The following MTMR7 variants were observed in gnomAD, a reference collection of about 807,000 sequenced individuals.
MTMR7 encodes phosphatidylinositol-3-phosphate phosphatase MTMR7.
MTMR7 carries 76 observed loss-of-function variants against 81.2 expected under a neutral mutation model. The observed-to-expected ratio is 0.94, with a 90% CI of 0.78 to 1.13. MTMR7 has a LOEUF of 1.13. Ranked by LOEUF, MTMR7 falls within the 50% of genes most tolerant of loss-of-function variation. MTMR7 has a pLI of 0.00. For synonymous variants in MTMR7, 372 were observed against 289.8 expected (o/e 1.28, Z -2.88); for missense variants, 1,044 against 820.0 (o/e 1.27, Z -3.34).
Position 17,302,102 on chromosome 8 carries a change from C to T in MTMR7, c.1620+52G>A, listed in dbSNP as rs755821802. ...CTTAAGAGGCTTTCATGAAGCCTTG[C>T]TCTTCAAGAAATAAGCACAGAAAAT... On this transcript the variant is annotated intron_variant, in intron 13 of 13. Coordinates refer to ENST00000180173, the MANE Select transcript of MTMR7 (RefSeq NM_004686.5). The T allele has an allele frequency of 2.5e-6, 4 of 1,608,544 alleles. No individual in the cohort carries two copies. In the African/African-American group the frequency reaches 4.0e-5, roughly 16 times the overall value.
At chr8:17,318,952 C>T (rs71526115) in intron 7 of MTMR7, among the ~76,000 whole-genome samples, 3,353 of 152,344 alleles carry the variant, frequency 0.022, 52 homozygotes, top group Non-Finnish European at 0.038. Context: ...TGCTCATTGT[C>T]CTGCTTCCCT....
In MTMR7 at chr8:17,304,442, G is replaced by C. The variant is rs369293993; in HGVS notation, c.1430C>G (p.Ala477Gly). The C allele has an allele frequency of 2.5e-6, 4 of 1,613,982 alleles. No individual in the cohort carries two copies. The African/African-American group carries it at 5.3e-5, about 22-fold the overall frequency. Residue 477 changes from alanine (A) to glycine (G), a missense_variant, in exon 12 of 14, where the codon GCT (alanine) becomes GGT (glycine). Ala to Gly is a moderately conservative substitution (Grantham distance 60). Coordinates refer to ENST00000180173, the MANE Select transcript of MTMR7 (RefSeq NM_004686.5). The part of the protein sequence containing the change: ...RADYLNPLFR[A>G]DHSQTQGTLH... ...GGTTCCCTGAGTCTGGCTGTGATCA[G>C]CTCTAAACAGAGGATTCAGGTAGTC...
chr8:17,370,165 T>C (rs1820371888), intron 3 of MTMR7, among the ~76,000 whole-genome samples: 1 of 151,232 alleles, frequency 6.6e-6, no homozygotes, highest in Non-Finnish European at 1.5e-5. Flanking sequence ...AGCAGATCCA[T>C]ACCCTGAATA....
chr8:17,311,370 TC>T, intron 9 of MTMR7, 140 bp downstream of exon 9: 1 of 1,086,252 alleles, frequency 9.2e-7, no homozygotes, highest in South Asian at 1.5e-5. Context: ...TTAATCTTGA[TC>T]TCTTCCCCTT....
chr8:17,371,087 T>C lies in MTMR7; in HGVS notation c.260A>G (p.Glu87Gly), dbSNP rs1434198090. The change falls in exon 3 of 14, where the codon GAA becomes GGA. Residue 87 changes from glutamate to glycine, a missense_variant. Glu to Gly is a moderately conservative substitution (Grantham distance 98). Coordinates refer to ENST00000180173, the MANE Select transcript of MTMR7 (RefSeq NM_004686.5). ...FQIIQLIIPQ[E>G]RDCHDVYISL... ...GATGTACACGTCGTGGCAATCTCTT[T>C]CCTGAGGTATGATGAGCTGTATTAT... 9 of 1,614,080 alleles carry C rather than the reference T, an allele frequency of 5.6e-6. No individual in the cohort carries two copies. Among genetic ancestry groups the C allele is most frequent in the Admixed American group, 1.7e-5 (1 of 60,000 alleles).
chr8:17,357,550 C>G (rs955721394), intron 4 of MTMR7, among the ~76,000 whole-genome samples: 1 of 133,762 alleles, frequency 7.5e-6, no homozygotes, highest in Non-Finnish European at 1.5e-5. Context: ...ACATAAAACA[C>G]CTTTTTTTCC....
chr8:17,380,461 C>T (rs1317677494), intron 1 of MTMR7, among the ~76,000 whole-genome samples: 1 of 151,974 alleles, frequency 6.6e-6, no homozygotes, highest in East Asian at 1.9e-4. Flanking sequence ...TGGCGTGGCC[C>T]GGCCAGCATG....
In MTMR7 at chr8:17,331,272, A is replaced by G. The variant is rs1369199996; in HGVS notation, c.743T>C (p.Met248Thr). The G allele has an allele frequency of 1.9e-6, 3 of 1,606,746 alleles. No homozygotes were observed. Among genetic ancestry groups the G allele is most frequent in the Non-Finnish European group, 2.5e-6 (3 of 1,177,814 alleles). ...GCCTTTCCCTGCAGCACGATTTGCC[A>G]TTGCATTAAGCTGCAGTGGTCAGCA... ...VVDTRPKLNA[M>T]ANRAAGKGYE... The change falls in exon 7 of 14, where the codon ATG (methionine) becomes ACG (threonine). Residue 248 changes from methionine to threonine, a missense_variant. Met to Thr is a moderately conservative substitution (Grantham distance 81). Transcript: ENST00000180173.
intron 4 of MTMR7, among the ~76,000 whole-genome samples, chr8:17,354,954 T>G (rs1819842514): frequency 6.6e-6 from 1 of 152,186 alleles, no homozygotes; most frequent in African/African-American, 2.4e-5. Flanking sequence ...TTGTTCCTTG[T>G]TAGTTTTGTT....
intron 6 of MTMR7, among the ~76,000 whole-genome samples, chr8:17,335,205 G>GA (rs1563342823): frequency 6.6e-6 from 1 of 152,182 alleles, no homozygotes. Flanking sequence ...AGAGAGGAGG[G>GA]ACGGAGAACG....
chr8:17,379,197 G>A (rs1305609554), intron 1 of MTMR7, among the ~76,000 whole-genome samples: 4 of 152,188 alleles, frequency 2.6e-5, no homozygotes, highest in Admixed American at 1.3e-4. Context: ...GGCACTGGTG[G>A]TCTTAGCAGG....
chr8:17,323,017 G>A (rs934347193), intron 7 of MTMR7, among the ~76,000 whole-genome samples: 1 of 143,280 alleles, frequency 7.0e-6, no homozygotes, highest in Admixed American at 7.2e-5. Flanking sequence ...GTGTGATCTC[G>A]GCTCACTGTA....
chr8:17,355,718 A>G (rs1819870421), intron 4 of MTMR7, among the ~76,000 whole-genome samples: 1 of 142,558 alleles, frequency 7.0e-6, no homozygotes, highest in African/African-American at 2.8e-5. Context: ...ATTATTGGCT[A>G]CATTATATAA....
Position 17,371,122 on chromosome 8 carries a change from C to A in MTMR7, c.225G>T (p.Lys75Asn). The A allele has an allele frequency of 1.2e-6, 2 of 1,614,214 alleles. No individual in the cohort carries two copies. Among genetic ancestry groups the A allele is most frequent in the East Asian group, 4.5e-5 (2 of 44,884 alleles). The change falls in exon 3 of 14, where the codon AAG becomes AAT. Residue 75 changes from lysine (K) to asparagine (N), a missense_variant. By Grantham distance (94) the Lys-to-Asn change is moderately conservative (BLOSUM62 0). Transcript: ENST00000180173. ...TGATGAGCTGTATTATCTGAAAGTT[C>A]TTGCAGCGAATCAGCAGAGGGCATC... is the stretch of plus-strand genomic sequence containing the variant. Reference protein sequence around the residue: ...ATGCPLLIRCKNFQIIQLIIP... With the variant: ...ATGCPLLIRCNNFQIIQLIIP...
At chr8:17,407,071 A>T (rs993181448) in intron 1 of MTMR7, among the ~76,000 whole-genome samples, 2 of 152,164 alleles carry the variant, frequency 1.3e-5, no homozygotes, top group African/African-American at 4.8e-5. Context: ...TATACCAAAA[A>T]ATCACAAAAT....
chr8:17,353,858 TC>T (rs1446664794), intron 4 of MTMR7, among the ~76,000 whole-genome samples: 1 of 152,206 alleles, frequency 6.6e-6, no homozygotes, highest in Non-Finnish European at 1.5e-5. Context: ...GCAAGGGGAA[TC>T]TTTTGGTAAC....
At position 17,297,035 on chromosome 8, in the gene MTMR7, T is replaced by C. The variant is rs924526970; in HGVS notation, c.*2827A>G. 4.6e-5 allele frequency: 7 copies of C among 152,198 alleles called. No homozygotes were observed. Among genetic ancestry groups the C allele is most frequent in the African/African-American group, 1.7e-4 (7 of 41,452 alleles). The allele number at this position is 152,198 out of a possible 1,614,324, so 9.4% of individuals were successfully genotyped here. A position where few individuals can be genotyped will look rare whatever the true frequency, so the allele number is the denominator to read the frequency against. On this transcript the variant is annotated 3_prime_UTR_variant, in exon 14 of 14. Coordinates refer to ENST00000180173, the MANE Select transcript of MTMR7 (RefSeq NM_004686.5). Reference sequence around the variant, plus strand: ...TTCTGTTTTTGCAACAGAGATTAAGTGACCATTTTTTCTAATTTTATGGCT... The same window carrying C: ...TTCTGTTTTTGCAACAGAGATTAAGCGACCATTTTTTCTAATTTTATGGCT...
chr8:17,303,376 C>T (rs949124513), intron 12 of MTMR7, among the ~76,000 whole-genome samples: 1 of 151,898 alleles, frequency 6.6e-6, no homozygotes, highest in African/African-American at 2.4e-5. Context: ...CCTTGAGAAA[C>T]GAAATCTATA....
intron 1 of MTMR7, among the ~76,000 whole-genome samples, chr8:17,409,120 G>A (rs1263269848): frequency 6.6e-6 from 1 of 152,062 alleles, no homozygotes; most frequent in Non-Finnish European, 1.5e-5. Context: ...GTATACAACT[G>A]TACAATGCAC....
Sources: gnomAD v4.1 joint callset for allele counts (sites outside exome capture counted in the v4.1 genomes callset) on GRCh38, gnomAD v4.1.1 for gene constraint, MANE v1.5 for transcripts, NCBI Gene and HGNC (gene_info 2026-07-23, HGNC 2026-07-21) for gene names.